SLC25A40: variants seen among roughly 807,000 people sequenced by gnomAD.
SLC25A40 encodes the protein mitochondrial glutathione transporter SLC25A40.
Under a neutral mutation model 46.5 loss-of-function variants are expected in SLC25A40, and 41 were observed. The ratio of observed to expected loss-of-function variants is 0.88; its 90% confidence interval spans 0.69 to 1.14. The LOEUF is 1.14. Ranked by LOEUF, SLC25A40 falls within the 50% of genes most tolerant of loss-of-function variation. The pLI, the probability that SLC25A40 is intolerant of heterozygous loss-of-function variation, is 0.00. For missense variants in SLC25A40, 386 were observed against 393.6 expected, an observed-to-expected ratio of 0.98 and a Z score of 0.16; for synonymous variants, 126 against 127.5, an observed-to-expected ratio of 0.99 and a Z score of 0.08.
At position 87,841,672 on chromosome 7, in the gene SLC25A40, G is replaced by T; in HGVS notation, c.784C>A (p.Gln262Lys). 1 of 1,525,758 alleles carries T rather than the reference G, an allele frequency of 6.6e-7. No individual in the cohort carries two copies. The highest frequency in any genetic ancestry group is 2.5e-5 in the East Asian group (1 of 40,726). 94.5% of individuals were successfully genotyped at this position (1,525,758 alleles called of 1,614,324 possible). A position where few individuals can be genotyped will look rare whatever the true frequency, so the allele number is the denominator to read the frequency against. Reference protein sequence around the residue: ...ATLPFDVVKTQKQTQLWTYES... With the variant: ...ATLPFDVVKTKKQTQLWTYES... ...TATGTCCAAAGTTGTGTCTGCTTTT[G>T]TGTTTTTACTACATCAAATGGTAAA... The change falls in exon 10 of 12, where the codon CAA becomes AAA. Residue 262 changes from glutamine (Q) to lysine (K), a missense_variant. Gln to Lys is a moderately conservative substitution (Grantham distance 53). Transcript: ENST00000341119.
chr7:87,853,347 G>A (rs754026998), intron 5 of SLC25A40, among the ~76,000 whole-genome samples: 4 of 152,212 alleles, frequency 2.6e-5, no homozygotes, highest in African/African-American at 9.7e-5. Context: ...TGAAGATGTG[G>A]AGAAATTGGA....
intron 10 of SLC25A40, 91 bp downstream of exon 10, chr7:87,841,542 T>C: frequency 1.5e-6 from 1 of 680,600 alleles, no homozygotes; most frequent in Non-Finnish European, 2.3e-6. Flanking sequence ...GAAGAAAAAA[T>C]CTTGTTTTCC....
At chr7:87,850,079 G>A (rs1838485587) in intron 5 of SLC25A40, 131 bp from the exon 6 acceptor site, 1 of 584,816 alleles carries the variant, frequency 1.7e-6, no homozygotes, top group Non-Finnish European at 2.9e-6. Context: ...TTGGATTTAT[G>A]TATGTCCATT....
chr7:87,866,601 G>GC (rs1838803368), intron 1 of SLC25A40, among the ~76,000 whole-genome samples: 1 of 152,170 alleles, frequency 6.6e-6, no homozygotes, highest in South Asian at 2.1e-4. Flanking sequence ...GAGGAGAAAC[G>GC]TCTCCTTATT....
intron 3 of SLC25A40, among the ~76,000 whole-genome samples, chr7:87,856,605 A>G (rs1376219667): frequency 1.3e-5 from 2 of 152,166 alleles, no homozygotes; most frequent in Non-Finnish European, 2.9e-5. Flanking sequence ...TACAACTATC[A>G]TTACATTAGC....
Position 87,848,259 on chromosome 7 carries a change from G to A in SLC25A40, c.333-282C>T, listed in dbSNP as rs917222191. Among the ~76,000 whole-genome samples the A allele has an allele frequency of 3.3e-5, 5 of 152,326 alleles. No individual in the cohort carries two copies. In the South Asian group the frequency reaches 1.0e-3, roughly 32 times the overall value. ...AATAAATAGCATTAAGTAAGCGCTAGCATGGTGGCACATGCCTGTAATCCC... is the reference window on the plus strand; with the variant it reads ...AATAAATAGCATTAAGTAAGCGCTAACATGGTGGCACATGCCTGTAATCCC... On this transcript the variant is annotated intron_variant, in intron 6 of 11. Transcript: ENST00000341119.
At chr7:87,848,493 AG>A (rs760526537) in intron 6 of SLC25A40, among the ~76,000 whole-genome samples, 24 of 152,236 alleles carry the variant, frequency 1.6e-4, no homozygotes, top group Non-Finnish European at 2.9e-4. Flanking sequence ...CTGGTCTCCC[AG>A]ATCTTCTTTC....
At position 87,834,780 on chromosome 7, in the gene SLC25A40, G is replaced by A. The variant is rs1475440826; in HGVS notation, c.*1469C>T. The A allele has an allele frequency of 6.6e-6, 1 of 151,494 alleles. No homozygotes were observed. Among genetic ancestry groups the A allele is most frequent in the Non-Finnish European group, 1.5e-5 (1 of 67,658 alleles). 9.4% of individuals were successfully genotyped at this position (151,494 alleles called of 1,614,324 possible). A position where few individuals can be genotyped will look rare whatever the true frequency, so the allele number is the denominator to read the frequency against. On this transcript the variant is annotated 3_prime_UTR_variant, in exon 12 of 12. Transcript: ENST00000341119. ...CAATGATTTTACGTAAAAATATTTA[G>A]AAGCACAGTGATGATTTTAAGAAGC...
intron 10 of SLC25A40, among the ~76,000 whole-genome samples, chr7:87,837,446 T>C (rs1331140865): frequency 1.3e-5 from 2 of 151,300 alleles, no homozygotes; most frequent in Admixed American, 1.3e-4. Flanking sequence ...ATGGATACGC[T>C]ATTCTTGAAA....
intron 1 of SLC25A40, among the ~76,000 whole-genome samples, chr7:87,863,985 A>G (rs971542414): frequency 6.6e-6 from 1 of 152,224 alleles, no homozygotes; most frequent in Admixed American, 6.5e-5. Context: ...TTCAATTAAC[A>G]TAAGGATTTC....
chr7:87,848,963 A>T (rs909848948), intron 6 of SLC25A40, among the ~76,000 whole-genome samples: 19 of 152,224 alleles, frequency 1.2e-4, no homozygotes, highest in African/African-American at 4.6e-4. Flanking sequence ...CTCCATTAAA[A>T]GTATAAAGTT....
At position 87,858,731 on chromosome 7, in the gene SLC25A40, T is replaced by G; in HGVS notation, c.-4A>C. On this transcript the variant is annotated 5_prime_UTR_variant, in exon 3 of 12. Transcript: ENST00000341119. ...GTCCCCTTGTCTCAGGATCCATATT[T>G]TTAACTAATTAAATAAAAACCTGTT... is the stretch of plus-strand genomic sequence containing the variant. 1.3e-6 allele frequency: 2 copies of G among 1,593,012 alleles called. No homozygotes were observed. Among genetic ancestry groups the G allele is most frequent in the Non-Finnish European group, 1.7e-6 (2 of 1,161,560 alleles).
intron 1 of SLC25A40, among the ~76,000 whole-genome samples, chr7:87,874,684 C>T (rs868560782): frequency 1.3e-5 from 2 of 152,198 alleles, no homozygotes; most frequent in Admixed American, 6.5e-5. Flanking sequence ...AGGCACTGTA[C>T]TAAGCATTCA....
At chr7:87,867,145 T>C (rs565845450) in intron 1 of SLC25A40, among the ~76,000 whole-genome samples, 1 of 152,378 alleles carries the variant, frequency 6.6e-6, no homozygotes, top group African/African-American at 2.4e-5. Context: ...AACTGGATAG[T>C]TATATCTTTC....
intron 1 of SLC25A40, among the ~76,000 whole-genome samples, chr7:87,863,176 C>A (rs1273898191): frequency 6.6e-6 from 1 of 152,036 alleles, no homozygotes; most frequent in African/African-American, 2.4e-5. Context: ...TCCTTTATTC[C>A]ATTTTTTAAA....
chr7:87,857,019 AATTT>A (rs1426399869), intron 3 of SLC25A40, among the ~76,000 whole-genome samples: 6 of 152,152 alleles, frequency 3.9e-5, no homozygotes, highest in African/African-American at 7.2e-5. Context: ...ATAAGCAATT[AATTT>A]ATTTGTTCTA....
chr7:87,866,075 CCT>C (rs1296580634), intron 1 of SLC25A40, among the ~76,000 whole-genome samples: 1 of 150,736 alleles, frequency 6.6e-6, no homozygotes, highest in African/African-American at 2.5e-5. Flanking sequence ...AGAACAAAAC[CCT>C]CTCTAGGAAA....
chr7:87,845,462 G>A (rs942669598), intron 8 of SLC25A40, among the ~76,000 whole-genome samples: 1 of 152,132 alleles, frequency 6.6e-6, no homozygotes, highest in African/African-American at 2.4e-5. Context: ...TGAGGGATCT[G>A]GGTTGCGTGG....
intron 10 of SLC25A40, among the ~76,000 whole-genome samples, chr7:87,839,628 G>A (rs975995569): frequency 1.3e-5 from 2 of 151,644 alleles, no homozygotes; most frequent in African/African-American, 4.8e-5. Flanking sequence ...TTCTGTTATA[G>A]GATATGGCAT....
Sources: allele counts gnomAD v4.1 joint callset (sites outside exome capture counted in the v4.1 genomes callset), GRCh38; gene constraint gnomAD v4.1.1; transcripts MANE v1.5; gene names NCBI Gene and HGNC (gene_info 2026-07-23, HGNC 2026-07-21).